PRAMEF15: variants seen among roughly 807,000 people sequenced by gnomAD.
PRAMEF15 encodes PRAME family member 15.
In PRAMEF15, 21 loss-of-function variants were observed where a neutral mutation model predicts 35.3. The ratio of observed to expected loss-of-function variants is 0.59; its 90% CI spans 0.42 to 0.86. The LOEUF is 0.86. Among genes scored for constraint, PRAMEF15 ranks in the 40% least tolerant of loss-of-function variants. The pLI is 0.00. For synonymous variants in PRAMEF15, 122 were observed against 223.3 expected, an observed-to-expected ratio of 0.55 and a Z score of 4.05; for missense variants, 360 against 574.1, an observed-to-expected ratio of 0.63 and a Z score of 3.81.
intron 1 of PRAMEF15, among the ~76,000 whole-genome samples, chr1:13,317,848 G>T: frequency 6.6e-6 from 1 of 150,734 alleles, no homozygotes; most frequent in African/African-American, 2.4e-5. Context: ...AGACAAGAAA[G>T]AAAGAAGGGA....
intron 3 of PRAMEF15, among the ~76,000 whole-genome samples, chr1:13,321,170 T>G (rs1398642183): frequency 6.6e-6 from 1 of 150,826 alleles, no homozygotes; most frequent in Admixed American, 6.6e-5. Flanking sequence ...GATCCATTCC[T>G]ATAAATGATG....
chr1:13,322,163 G>C lies in PRAMEF15; in HGVS notation c.1336G>C (p.Asp446His). 2 of 1,609,218 alleles carry C rather than the reference G, an allele frequency of 1.2e-6. No individual in the cohort carries two copies. Among genetic ancestry groups the C allele is most frequent in the Non-Finnish European group, 1.7e-6 (2 of 1,179,234 alleles). ...IRAELMNRVR[D>H]LRHPKRILFC... The stretch of plus-strand genomic sequence containing the variant: ...GGCTGAGCTGATGAACAGAGTGAGG[G>C]ACTTAAGGCACCCCAAGAGGATCTT... Residue 446 changes from aspartate (D) to histidine (H), a missense_variant, in exon 4 of 4, where the codon GAC becomes CAC. By Grantham distance (81) the Asp-to-His change is moderately conservative. Coordinates refer to ENST00000376152, the MANE Select transcript of PRAMEF15 (RefSeq NM_001098376.3).
In PRAMEF15 at chr1:13,320,011, A is replaced by T; in HGVS notation, c.875+58A>T. The stretch of plus-strand genomic sequence containing the variant: ...CACAGCAGAGCCTGTTACAGTCAAC[A>T]CTAGTGGGCATCTACTGTGAGCCAG... On this transcript the variant is annotated intron_variant, in intron 3 of 3. Transcript: ENST00000376152. 1.9e-6 allele frequency: 3 copies of T among 1,608,010 alleles called. No homozygotes were observed. In the South Asian group the frequency reaches 3.3e-5, roughly 18 times the overall value.
chr1:13,318,913 C>G lies in PRAMEF15; in HGVS notation c.293+213C>G, dbSNP rs1425884094. 8.4e-4 allele frequency among the ~76,000 whole-genome samples: 127 copies of G among 151,840 alleles called. 1 individual carries two copies. Among genetic ancestry groups the G allele is most frequent in the African/African-American group, 2.1e-3 (88 of 41,386 alleles). On this transcript the variant is annotated intron_variant, in intron 2 of 3. Transcript: ENST00000376152. Reference sequence around the variant, plus strand: ...TCTCCTCTAATGGCACTGAAAGGCACCATGAAAAGTGAGAACTGGGCCGGG... The same window carrying G: ...TCTCCTCTAATGGCACTGAAAGGCAGCATGAAAAGTGAGAACTGGGCCGGG...
chr1:13,322,180 G>A lies in PRAMEF15; in HGVS notation c.1353G>A (p.Lys451=). ...MNRVRDLRHP[K]RILFCTDYCP... is the part of the protein sequence containing the mutation. ...GAGTGAGGGACTTAAGGCACCCCAA[G>A]AGGATCTTGTTCTGTACTGACTACT... The change falls in exon 4 of 4, where the codon AAG becomes AAA. Residue 451 remains lysine (K), a synonymous_variant. Coordinates refer to ENST00000376152, the MANE Select transcript of PRAMEF15 (RefSeq NM_001098376.3). The A allele has an allele frequency of 1.9e-6, 3 of 1,608,950 alleles. No homozygotes were observed. Among genetic ancestry groups the A allele is most frequent in the Non-Finnish European group, 1.7e-6 (2 of 1,179,224 alleles).
intron 1 of PRAMEF15, among the ~76,000 whole-genome samples, chr1:13,315,932 G>C (rs2100312217): frequency 6.6e-6 from 1 of 151,746 alleles, no homozygotes; most frequent in African/African-American, 2.4e-5. Context: ...GGCCAAAGTG[G>C]GAGGATCATT....
chr1:13,315,695 A>C (rs2100311577), intron 1 of PRAMEF15, 37 bp downstream of exon 1: 1 of 151,146 alleles, frequency 6.6e-6, no homozygotes, highest in South Asian at 2.1e-4. Flanking sequence ...CTCCCATCTG[A>C]CCTACAGTCA....
At chr1:13,316,656 T>C (rs1219289560) in intron 1 of PRAMEF15, among the ~76,000 whole-genome samples, 1 of 151,822 alleles carries the variant, frequency 6.6e-6, no homozygotes, top group African/African-American at 2.4e-5. Context: ...CTCAGCTCCC[T>C]CAGCACCAAA....
At chr1:13,317,933 G>A (rs1640028135) in intron 1 of PRAMEF15, among the ~76,000 whole-genome samples, 1 of 151,948 alleles carries the variant, frequency 6.6e-6, no homozygotes, top group African/African-American at 2.4e-5. Flanking sequence ...GAAAGAGAAA[G>A]CAAGCTTAAA....
intron 2 of PRAMEF15, 26 bp from the exon 3 acceptor site, chr1:13,319,346 T>A (rs1640049751): frequency 6.2e-7 from 1 of 1,608,234 alleles, no homozygotes; most frequent in Admixed American, 1.7e-5. Context: ...TCTTAAATTC[T>A]CAGTCTCACC....
chr1:13,321,210 T>C (rs1428444595), intron 3 of PRAMEF15, among the ~76,000 whole-genome samples: 1 of 148,320 alleles, frequency 6.7e-6, no homozygotes, highest in Non-Finnish European at 1.5e-5. Flanking sequence ...AATGGAATTA[T>C]TTTTTCTCCT....
At position 13,318,471 on chromosome 1, in the gene PRAMEF15, G is replaced by T; in HGVS notation, c.64G>T (p.Asp22Tyr). ...LELAGRSLLRDQALAMSTLEE... is the reference protein window; with the variant it reads ...LELAGRSLLRYQALAMSTLEE... ...GCTTGCAGGGCGGAGCCTGCTGAGG[G>T]ACCAAGCTTTGGCCATGTCCACCCT... is the stretch of plus-strand genomic sequence containing the variant. Residue 22 changes from aspartate to tyrosine, a missense_variant, in exon 2 of 4, where the codon GAC (aspartate) becomes TAC (tyrosine). Asp to Tyr is a radical substitution (Grantham distance 160, BLOSUM62 -3). This residue lies in a region of PRAMEF15 where 31 missense variants were observed against 46.4 expected (regional missense o/e 0.67). Transcript: ENST00000376152. The T allele has an allele frequency of 3.7e-6, 6 of 1,614,088 alleles. No homozygotes were observed. The South Asian group carries it at 6.6e-5, about 18-fold the overall frequency.
chr1:13,320,795 C>G (rs1640074083), intron 3 of PRAMEF15, among the ~76,000 whole-genome samples: 1 of 152,136 alleles, frequency 6.6e-6, no homozygotes, highest in East Asian at 1.9e-4. Context: ...GAATGCTCAG[C>G]AAACCTGCAC....
At chr1:13,316,539 C>G (rs1452002138) in intron 1 of PRAMEF15, among the ~76,000 whole-genome samples, 8 of 151,908 alleles carry the variant, frequency 5.3e-5, no homozygotes, top group African/African-American at 1.2e-4. Context: ...CCTGTAGTCC[C>G]AGCTATGTGG....
chr1:13,319,193 CAAA>C (rs375566005), intron 2 of PRAMEF15, among the ~76,000 whole-genome samples, 176 bp from the exon 3 acceptor site: 5,624 of 76,830 alleles, frequency 0.073, 119 homozygotes, highest in East Asian at 0.33. Flanking sequence ...GACTTGGTCT[CAAA>C]AAAAAAAAAA....
At chr1:13,318,026 G>A (rs1345315010) in intron 1 of PRAMEF15, among the ~76,000 whole-genome samples, 25 of 152,088 alleles carry the variant, frequency 1.6e-4, no homozygotes, top group Non-Finnish European at 3.1e-4. Context: ...AACTGAAAAT[G>A]TGGGCATGTA....
intron 3 of PRAMEF15, 99 bp from the exon 4 acceptor site, chr1:13,321,604 G>C (rs2100326312): frequency 7.7e-7 from 1 of 1,306,186 alleles, no homozygotes; most frequent in South Asian, 1.3e-5. Context: ...CCTGGACTTG[G>C]GCAAAAAGGT....
At chr1:13,320,788 T>C (rs1190958957) in intron 3 of PRAMEF15, among the ~76,000 whole-genome samples, 1 of 152,134 alleles carries the variant, frequency 6.6e-6, no homozygotes, top group Non-Finnish European at 1.5e-5. Flanking sequence ...AAGAGGGGAA[T>C]GCTCAGCAAA....
At position 13,318,301 on chromosome 1, in the gene PRAMEF15, C is replaced by T. The variant is rs1640032780; in HGVS notation, c.-16-91C>T. 14 of 1,590,856 alleles carry T rather than the reference C, an allele frequency of 8.8e-6. No homozygotes were observed. In the Admixed American group the frequency reaches 1.7e-4, roughly 20 times the overall value. The stretch of plus-strand genomic sequence containing the variant: ...TAAACTGAGGACTCTTTCACCATTG[C>T]CAGAGCAGTGAGTTTGGCCATAGGA... On this transcript the variant is annotated intron_variant, in intron 1 of 3. Transcript: ENST00000376152.
Sources: gnomAD v4.1 joint callset for allele counts (sites outside exome capture counted in the v4.1 genomes callset) on GRCh38, gnomAD v4.1.1 for gene constraint, gnomAD v4.1.1 regional missense constraint, MANE v1.5 for transcripts, NCBI Gene and HGNC (gene_info 2026-07-23, HGNC 2026-07-21) for gene names.